NDUFAF2: variants seen among roughly 807,000 people sequenced by gnomAD.
NDUFAF2 encodes NADH:ubiquinone oxidoreductase complex assembly factor 2.
Under a neutral mutation model 22.8 loss-of-function variants are expected in NDUFAF2, and 13 were observed. That is an observed-to-expected ratio of 0.57 (90% CI 0.37 to 0.91). The LOEUF (loss-of-function observed/expected upper bound fraction) is 0.91. NDUFAF2 is among the 40% of genes least tolerant of loss of function. The pLI is 0.01. For synonymous variants in NDUFAF2, 53 were observed against 64.2 expected (o/e 0.83, Z 0.84); for missense variants, 162 against 195.2 (o/e 0.83, Z 1.01).
chr5:61,010,901 CT>C (rs1751434891), intron 1 of NDUFAF2, among the ~76,000 whole-genome samples: 1 of 152,048 alleles, frequency 6.6e-6, no homozygotes, highest in Non-Finnish European at 1.5e-5. Context: ...TTCCCCTTCC[CT>C]TTTCTCCTGC....
At chr5:61,039,648 C>T (rs879752925) in intron 1 of NDUFAF2, among the ~76,000 whole-genome samples, 5 of 152,076 alleles carry the variant, frequency 3.3e-5, no homozygotes, top group Admixed American at 6.6e-5. Context: ...GGCTGGTGTC[C>T]TTAAGAATCC....
At chr5:60,954,454 A>G (rs1750588118) in intron 1 of NDUFAF2, among the ~76,000 whole-genome samples, 2 of 152,130 alleles carry the variant, frequency 1.3e-5, no homozygotes, top group Non-Finnish European at 2.9e-5. Context: ...CTATTTTGCA[A>G]ATGTTGAGTT....
In NDUFAF2 at chr5:61,152,866, G is replaced by A. The variant is rs1467428339; in HGVS notation, c.421G>A (p.Glu141Lys). 2 of 1,610,534 alleles carry A rather than the reference G, an allele frequency of 1.2e-6. No homozygotes were observed. Among genetic ancestry groups the A allele is most frequent in the Admixed American group, 1.7e-5 (1 of 59,764 alleles). Residue 141 changes from glutamate (E) to lysine (K), a missense_variant, in exon 4 of 4, where the codon GAA becomes AAA. Glu to Lys is a moderately conservative substitution (Grantham distance 56, BLOSUM62 1). This residue lies in a region of NDUFAF2 where 68 missense variants were observed against 110.0 expected (regional missense o/e 0.62). Transcript: ENST00000296597. ...GHASAPYFGK[E>K]EPSVAPSSTG... ...TGCCTCTGCTCCATACTTTGGAAAG[G>A]AAGAACCCTCAGTGGCTCCCAGCAG...
chr5:60,960,681 T>C (rs891180027), intron 1 of NDUFAF2, among the ~76,000 whole-genome samples: 1 of 152,214 alleles, frequency 6.6e-6, no homozygotes, highest in African/African-American at 2.4e-5. Flanking sequence ...TGTTTGATTG[T>C]TTGAATAAAT....
At chr5:60,978,399 G>A (rs1392475859) in intron 1 of NDUFAF2, among the ~76,000 whole-genome samples, 1 of 152,160 alleles carries the variant, frequency 6.6e-6, no homozygotes, top group African/African-American at 2.4e-5. Flanking sequence ...CGGTTCTGCA[G>A]GCTGTACAGG....
intron 1 of NDUFAF2, among the ~76,000 whole-genome samples, chr5:61,011,936 A>G (rs891091371): frequency 6.6e-6 from 1 of 152,150 alleles, no homozygotes; most frequent in Non-Finnish European, 1.5e-5. Flanking sequence ...CTGCTCTAGC[A>G]TGCTTCTAGC....
chr5:61,087,188 A>G (rs1308625341), intron 2 of NDUFAF2, among the ~76,000 whole-genome samples: 4 of 152,156 alleles, frequency 2.6e-5, no homozygotes, highest in Non-Finnish European at 5.9e-5. Flanking sequence ...CTCCCTGAGC[A>G]TGCACAAAAA....
intron 1 of NDUFAF2, among the ~76,000 whole-genome samples, chr5:61,056,233 C>T (rs561749441): frequency 1.3e-5 from 2 of 152,242 alleles, no homozygotes; most frequent in Admixed American, 1.3e-4. Flanking sequence ...GAGAGGCAGG[C>T]TCCATTTTTA....
chr5:61,049,597 T>A (rs75646569), intron 1 of NDUFAF2, among the ~76,000 whole-genome samples: 2 of 152,022 alleles, frequency 1.3e-5, no homozygotes, highest in African/African-American at 4.8e-5. Context: ...ACAACAAGTC[T>A]TCATTCTTCT....
chr5:61,091,260 A>T (rs1308107039), intron 2 of NDUFAF2, among the ~76,000 whole-genome samples: 2 of 152,300 alleles, frequency 1.3e-5, no homozygotes, highest in Admixed American at 1.3e-4. Context: ...GAGGAATCTC[A>T]CACTGTCTTC....
intron 2 of NDUFAF2, among the ~76,000 whole-genome samples, chr5:61,078,272 T>TTATGTA (rs78532196): frequency 2.0e-5 from 3 of 151,332 alleles, no homozygotes; most frequent in African/African-American, 7.3e-5. Context: ...GCTCAATAGT[T>TTATGTA]AAGTAAATAT....
intron 1 of NDUFAF2, among the ~76,000 whole-genome samples, chr5:61,052,860 T>TAA (rs1752042516): frequency 6.6e-6 from 1 of 152,138 alleles, no homozygotes; most frequent in Admixed American, 6.5e-5. Flanking sequence ...TTTTTGTTGA[T>TAA]TTGGCTTTAT....
chr5:60,981,482 A>G (rs562510639), intron 1 of NDUFAF2, among the ~76,000 whole-genome samples: 9 of 152,232 alleles, frequency 5.9e-5, no homozygotes, highest in Non-Finnish European at 7.3e-5. Context: ...ATAAGAAATC[A>G]TCTGAAGATA....
intron 1 of NDUFAF2, among the ~76,000 whole-genome samples, chr5:60,960,504 G>C (rs1750669860): frequency 6.6e-6 from 1 of 152,120 alleles, no homozygotes; most frequent in Non-Finnish European, 1.5e-5. Context: ...ACTTTTCAAA[G>C]TACTACTCAG....
At chr5:61,128,256 C>G (rs1404027147) in intron 3 of NDUFAF2, among the ~76,000 whole-genome samples, 1 of 152,010 alleles carries the variant, frequency 6.6e-6, no homozygotes, top group Non-Finnish European at 1.5e-5. Context: ...CCATCCCCAT[C>G]AAGCTACCAA....
intron 1 of NDUFAF2, among the ~76,000 whole-genome samples, chr5:61,054,262 A>G (rs1206491377): frequency 6.6e-6 from 1 of 152,236 alleles, no homozygotes; most frequent in Non-Finnish European, 1.5e-5. Context: ...GTACAGTTCA[A>G]TATTTTTAAA....
At chr5:61,013,501 C>T (rs553387403) in intron 1 of NDUFAF2, among the ~76,000 whole-genome samples, 9 of 152,078 alleles carry the variant, frequency 5.9e-5, no homozygotes, top group African/African-American at 2.2e-4. Context: ...GGATTTATTT[C>T]TAACTAGTTA....
intron 1 of NDUFAF2, among the ~76,000 whole-genome samples, chr5:60,990,106 T>C (rs1751138913): frequency 6.6e-6 from 1 of 152,130 alleles, no homozygotes; most frequent in African/African-American, 2.4e-5. Context: ...AATTAAACAA[T>C]TGAACTCATG....
intron 3 of NDUFAF2, among the ~76,000 whole-genome samples, chr5:61,152,069 G>A (rs1161631706): frequency 6.6e-6 from 1 of 152,168 alleles, no homozygotes; most frequent in African/African-American, 2.4e-5. Flanking sequence ...CTGAGGAACA[G>A]AACTGCATTG....
Sources: gnomAD v4.1 joint callset for allele counts (sites outside exome capture counted in the v4.1 genomes callset) on GRCh38, gnomAD v4.1.1 for gene constraint, gnomAD v4.1.1 regional missense constraint, MANE v1.5 for transcripts, NCBI Gene and HGNC (gene_info 2026-07-23, HGNC 2026-07-21) for gene names.